Variants in RSPO4 observed in about 807,000 individuals in gnomAD.
RSPO4 encodes the protein R-spondin 4, also known as R-spondin-4.
In RSPO4, 23 loss-of-function variants were observed where a neutral mutation model predicts 24.8. The ratio of observed to expected loss-of-function variants is 0.93; its 90% CI spans 0.67 to 1.31. The LOEUF is 1.31. RSPO4 is among the 40% of genes most tolerant of loss of function. The probability of loss-of-function intolerance (pLI) is 0.00; values close to 1 mark genes in which losing one functional copy is unlikely to be tolerated. For synonymous variants in RSPO4, 141 were observed against 127.4 expected (o/e 1.11, Z -0.72); for missense variants, 333 against 316.5 (o/e 1.05, Z -0.39).
chr20:971,122 A>G (rs1185726297), intron 1 of RSPO4, among the ~76,000 whole-genome samples: 1 of 152,212 alleles, frequency 6.6e-6, no homozygotes, highest in Non-Finnish European at 1.5e-5. Flanking sequence ...GATTATAGGC[A>G]TGAGCCACCA....
chr20:994,128 C>T (rs1435601334), intron 1 of RSPO4, among the ~76,000 whole-genome samples: 1 of 152,244 alleles, frequency 6.6e-6, no homozygotes, highest in East Asian at 1.9e-4. Context: ...CTGGCATCTC[C>T]TGCACCCTCA....
chr20:972,574 A>T (rs1984439487), intron 1 of RSPO4, among the ~76,000 whole-genome samples: 1 of 152,188 alleles, frequency 6.6e-6, no homozygotes, highest in Admixed American at 6.5e-5. Context: ...GCCATGGCAG[A>T]TCCAGGAGGC....
At position 960,095 on chromosome 20, in the gene RSPO4, A is replaced by T. The variant is rs930251096; in HGVS notation, c.*262T>A. ...AACACAGGAAGAAAGAAAAGGAAAGATAAAAGATAAGTGAGAAAGAAGAGG... is the reference window on the plus strand; with the variant it reads ...AACACAGGAAGAAAGAAAAGGAAAGTTAAAAGATAAGTGAGAAAGAAGAGG... On this transcript the variant is annotated 3_prime_UTR_variant, in exon 5 of 5. Coordinates refer to ENST00000217260, the MANE Select transcript of RSPO4 (RefSeq NM_001029871.4). The T allele has an allele frequency of 1.6e-4, 87 of 557,220 alleles. No individual in the cohort carries two copies. Among genetic ancestry groups the T allele is most frequent in the Non-Finnish European group, 2.6e-4 (81 of 312,568 alleles). 34.5% of individuals were successfully genotyped at this position (557,220 alleles called of 1,614,324 possible).
intron 1 of RSPO4, among the ~76,000 whole-genome samples, chr20:974,597 G>A (rs1052579961): frequency 2.0e-5 from 3 of 152,206 alleles, no homozygotes; most frequent in Non-Finnish European, 2.9e-5. Flanking sequence ...GTGGTTGTAG[G>A]TTCAGACACA....
At chr20:998,927 T>C (rs963024421) in intron 1 of RSPO4, among the ~76,000 whole-genome samples, 6 of 152,056 alleles carry the variant, frequency 3.9e-5, no homozygotes, top group African/African-American at 1.4e-4. Flanking sequence ...GCAGATGCCT[T>C]ATGAGAAATG....
intron 1 of RSPO4, among the ~76,000 whole-genome samples, chr20:997,668 G>A (rs1985338045): frequency 6.6e-6 from 1 of 152,200 alleles, no homozygotes; most frequent in Non-Finnish European, 1.5e-5. Flanking sequence ...CTTGCCCAGG[G>A]CCTGGTGCAT....
intron 1 of RSPO4, among the ~76,000 whole-genome samples, chr20:972,262 C>T (rs1046360550): frequency 1.4e-4 from 22 of 152,042 alleles, no homozygotes; most frequent in African/African-American, 4.8e-4. Context: ...GAAATGGTTT[C>T]ACCATGTTTC....
Position 996,596 on chromosome 20 carries a change from GC to G in RSPO4, c.79+5489del, listed in dbSNP as rs1282172140. On this transcript the variant is annotated intron_variant, in intron 1 of 4. Transcript: ENST00000217260. ...CTTTTTGCACCACATACGATCTGTT[GC>G]CTATTCCAGTATTCTTAGCTTGAAG... Among the ~76,000 whole-genome samples the G allele has an allele frequency of 3.3e-5, 5 of 152,258 alleles. No individual in the cohort carries two copies. The South Asian group carries it at 6.2e-4, about 19-fold the overall frequency.
At chr20:998,527 C>T (rs780157772) in intron 1 of RSPO4, among the ~76,000 whole-genome samples, 8 of 152,276 alleles carry the variant, frequency 5.3e-5, no homozygotes, top group East Asian at 1.9e-4. Context: ...GCAGTGACGC[C>T]GGAGCCTGAG....
chr20:962,749 C>G (rs931441426), intron 4 of RSPO4, among the ~76,000 whole-genome samples: 3 of 152,188 alleles, frequency 2.0e-5, no homozygotes, highest in African/African-American at 7.2e-5. Flanking sequence ...GCTGGGTGCC[C>G]CGGGTGGCCT....
chr20:988,655 A>G (rs1321232179), intron 1 of RSPO4, among the ~76,000 whole-genome samples: 4 of 152,068 alleles, frequency 2.6e-5, no homozygotes, highest in African/African-American at 7.2e-5. Flanking sequence ...GGTTCAAGCA[A>G]TTCTCCTGCC....
At chr20:972,263 A>G (rs6056328) in intron 1 of RSPO4, among the ~76,000 whole-genome samples, 54,896 of 151,842 alleles carry the variant, frequency 0.36, 15,410 homozygotes, top group African/African-American at 0.78. Context: ...AAATGGTTTC[A>G]CCATGTTTCC....
intron 3 of RSPO4, among the ~76,000 whole-genome samples, chr20:966,901 G>A (rs372316137): frequency 2.0e-5 from 3 of 152,136 alleles, no homozygotes; most frequent in Non-Finnish European, 2.9e-5. Flanking sequence ...AAACATCAGC[G>A]CTCTTCTTCT....
chr20:998,242 G>A (rs922896967), intron 1 of RSPO4, among the ~76,000 whole-genome samples: 5 of 152,262 alleles, frequency 3.3e-5, no homozygotes, highest in Admixed American at 2.6e-4. Context: ...GGCCTTGGAT[G>A]TCAGGGAAAG....
chr20:1,002,182 G>C lies in RSPO4; in HGVS notation c.-18C>G. The C allele has an allele frequency of 6.6e-7, 1 of 1,519,550 alleles. No individual in the cohort carries two copies. The highest frequency in any genetic ancestry group is 1.2e-5 in the South Asian group (1 of 82,020). The allele number at this position is 1,519,550 out of a possible 1,614,324, so 94.1% of individuals were successfully genotyped here. On this transcript the variant is annotated 5_prime_UTR_variant, in exon 1 of 5. Transcript: ENST00000217260. This position sits in a 1 kb window ranked among gnomAD's most constrained non-coding sequence, Gnocchi z 4.6. ...GCCCGCATCTGGGCAGCCGGATCCG[G>C]GCTGGCGCTCCCCAGGCGGCCCGAC... is the stretch of plus-strand genomic sequence containing the variant.
At chr20:992,728 G>A (rs1985151121) in intron 1 of RSPO4, among the ~76,000 whole-genome samples, 1 of 152,176 alleles carries the variant, frequency 6.6e-6, no homozygotes, top group Non-Finnish European at 1.5e-5. Flanking sequence ...TGGGAGCTGA[G>A]CCCAGGACTG....
intron 1 of RSPO4, among the ~76,000 whole-genome samples, chr20:974,968 A>G (rs1984519096): frequency 6.6e-6 from 1 of 152,228 alleles, no homozygotes; most frequent in Non-Finnish European, 1.5e-5. Flanking sequence ...AGAGAGAAGC[A>G]GCAACCAGAA....
At chr20:996,180 T>C (rs939812647) in intron 1 of RSPO4, among the ~76,000 whole-genome samples, 3 of 152,152 alleles carry the variant, frequency 2.0e-5, no homozygotes, top group African/African-American at 7.2e-5. Context: ...AAATGTTTGC[T>C]GACCCCACTC....
chr20:993,083 G>A (rs546240303), intron 1 of RSPO4, among the ~76,000 whole-genome samples: 1 of 152,326 alleles, frequency 6.6e-6, no homozygotes, highest in East Asian at 1.9e-4. Flanking sequence ...TCTGCCATCG[G>A]GCTCCAGGGA....
Sources: allele counts gnomAD v4.1 joint callset (sites outside exome capture counted in the v4.1 genomes callset), GRCh38; gene constraint gnomAD v4.1.1; non-coding constraint Gnocchi (gnomAD v3.1); transcripts MANE v1.5; gene names NCBI Gene and HGNC (gene_info 2026-07-23, HGNC 2026-07-21).